SNX9: variants seen among roughly 807,000 people sequenced by gnomAD.
The protein encoded by SNX9 is sorting nexin-9.
Under a neutral mutation model 89.4 loss-of-function variants are expected in SNX9, and 44 were observed. The observed-to-expected ratio is 0.49, with a 90% CI of 0.39 to 0.63. The LOEUF (loss-of-function observed/expected upper bound fraction) is 0.63. Ranked by LOEUF, SNX9 falls within the 30% of genes least tolerant of loss-of-function variation. The pLI is 0.00. For missense variants in SNX9, 578 were observed against 736.1 expected, an observed-to-expected ratio of 0.79 and a Z score of 2.49; for synonymous variants, 236 against 247.8, an observed-to-expected ratio of 0.95 and a Z score of 0.45.
chr6:157,851,718 T>C (rs1781917139), intron 1 of SNX9, among the ~76,000 whole-genome samples: 1 of 152,036 alleles, frequency 6.6e-6, no homozygotes, highest in Non-Finnish European at 1.5e-5. Flanking sequence ...GCCTCCCGAG[T>C]AGCTGGGATT....
chr6:157,868,804 A>G (rs1782325956), intron 2 of SNX9, among the ~76,000 whole-genome samples: 3 of 152,216 alleles, frequency 2.0e-5, no homozygotes, highest in Non-Finnish European at 4.4e-5. Flanking sequence ...GATAGGGAGA[A>G]TTTGTCTTTG....
chr6:157,858,339 C>A (rs746545025), intron 1 of SNX9, among the ~76,000 whole-genome samples: 1 of 151,688 alleles, frequency 6.6e-6, no homozygotes, highest in East Asian at 1.9e-4. Context: ...CTCCACCACC[C>A]GGGTTCAAGT....
rs576376187 is a variant in SNX9, at chr6:157,894,650, A to G, written c.301-2177A>G. Among the ~76,000 whole-genome samples, 9 of 152,262 alleles carry G rather than the reference A, an allele frequency of 5.9e-5. No individual in the cohort carries two copies. The South Asian group carries it at 1.9e-3, about 32-fold the overall frequency. ...AATAATTAAACTATTAAATTACTCA[A>G]AGGAATTATGGGAGAGAAATACTTT... On this transcript the variant is annotated intron_variant, in intron 4 of 17. Transcript: ENST00000392185.
intron 4 of SNX9, among the ~76,000 whole-genome samples, chr6:157,879,170 G>C (rs750913325): frequency 5.3e-5 from 8 of 152,222 alleles, no homozygotes; most frequent in Non-Finnish European, 1.0e-4. Flanking sequence ...TCCTCCTGCA[G>C]ATCTGCTCGC....
intron 1 of SNX9, among the ~76,000 whole-genome samples, chr6:157,829,982 A>C (rs753767726): frequency 3.9e-5 from 6 of 152,238 alleles, no homozygotes; most frequent in Admixed American, 6.5e-5. Context: ...TTAACATTAA[A>C]GTCTGAAATT....
At chr6:157,898,271 T>C (rs1783021290) in intron 5 of SNX9, among the ~76,000 whole-genome samples, 1 of 152,242 alleles carries the variant, frequency 6.6e-6, no homozygotes, top group South Asian at 2.1e-4. Context: ...TAACTTTAGT[T>C]CAGTCTTACT....
At chr6:157,849,611 C>T (rs189109899) in intron 1 of SNX9, among the ~76,000 whole-genome samples, 48 of 152,178 alleles carry the variant, frequency 3.2e-4, no homozygotes, top group Non-Finnish European at 6.0e-4. Flanking sequence ...GTGGAACTCA[C>T]ACATGGGATG....
At chr6:157,939,793 G>A (rs1783997926) in intron 16 of SNX9, among the ~76,000 whole-genome samples, 1 of 152,204 alleles carries the variant, frequency 6.6e-6, no homozygotes, top group Non-Finnish European at 1.5e-5. Flanking sequence ...ACAAAGCTTT[G>A]TATAACTTCA....
intron 2 of SNX9, among the ~76,000 whole-genome samples, chr6:157,869,663 T>C (rs1002181891): frequency 5.9e-5 from 9 of 152,206 alleles, no homozygotes; most frequent in Admixed American, 1.3e-4. Flanking sequence ...AAGCCCAGGG[T>C]CTGTCTAAAC....
chr6:157,912,164 C>A (rs1465710975), intron 9 of SNX9, among the ~76,000 whole-genome samples: 1 of 152,200 alleles, frequency 6.6e-6, no homozygotes, highest in Admixed American at 6.5e-5. Flanking sequence ...ATACAGATTT[C>A]TTTCCATGAA....
chr6:157,931,615 C>A (rs1783811655), intron 12 of SNX9, among the ~76,000 whole-genome samples: 1 of 152,218 alleles, frequency 6.6e-6, no homozygotes, highest in Non-Finnish European at 1.5e-5. Context: ...TCAGACCCCT[C>A]TTCCCTGGTC....
In SNX9 at chr6:157,875,138, G is replaced by A; in HGVS notation, c.262G>A (p.Ala88Thr). 1 of 1,612,234 alleles carries A rather than the reference G, an allele frequency of 6.2e-7. No individual in the cohort carries two copies. Among genetic ancestry groups the A allele is most frequent in the African/African-American group, 1.3e-5 (1 of 75,008 alleles). The change falls in exon 4 of 18, where the codon GCT becomes ACT. Residue 88 changes from alanine (A) to threonine (T), a missense_variant. Coordinates refer to ENST00000392185, the MANE Select transcript of SNX9 (RefSeq NM_016224.5). ...CCTTGATTCTCTCTCAGCCAGCACA[G>A]CTCAGGCCAGTTCGTCGGCTGCCAG... The part of the protein sequence containing the change: ...AFLDSLSAST[A>T]QASSSAASNN...
intron 1 of SNX9, among the ~76,000 whole-genome samples, chr6:157,840,319 C>T (rs960380412): frequency 3.3e-5 from 5 of 152,170 alleles, no homozygotes; most frequent in Non-Finnish European, 5.9e-5. Flanking sequence ...GAGGCCCAGG[C>T]GACCACGGGG....
chr6:157,888,500 G>A (rs1782784120), intron 4 of SNX9, among the ~76,000 whole-genome samples: 1 of 152,156 alleles, frequency 6.6e-6, no homozygotes, highest in Non-Finnish European at 1.5e-5. Flanking sequence ...TGCCATGAAT[G>A]TGCTGGTTTT....
intron 1 of SNX9, among the ~76,000 whole-genome samples, chr6:157,852,723 C>G (rs1479336812): frequency 6.6e-6 from 1 of 152,042 alleles, no homozygotes; most frequent in Non-Finnish European, 1.5e-5. Flanking sequence ...ACTACAGATG[C>G]AGACCACCAT....
intron 4 of SNX9, among the ~76,000 whole-genome samples, chr6:157,883,947 A>G (rs1239621423): frequency 2.6e-5 from 4 of 152,238 alleles, no homozygotes; most frequent in Admixed American, 6.5e-5. Flanking sequence ...ACTTTGTACC[A>G]TAATACTCTG....
chr6:157,934,190 A>G (rs1354047791), intron 13 of SNX9: 2 of 152,208 alleles, frequency 1.3e-5, no homozygotes, highest in Admixed American at 6.5e-5. Flanking sequence ...AAGTTCATGT[A>G]CTAACTTGAA....
chr6:157,867,586 A>G lies in SNX9; in HGVS notation c.52A>G (p.Asn18Asp). ...MYDFAAEPGN[N>D]ELTVNEGEII... ...TGATTTTGCTGCTGAACCTGGAAAT[A>G]ATGAACTGACGGTTAATGAAGGAGA... Residue 18 changes from asparagine to aspartate, a missense_variant, in exon 2 of 18, where the codon AAT becomes GAT. Physicochemically the swap from Asn to Asp is conservative, Grantham distance 23 (BLOSUM62 1). This residue lies in a region of SNX9 where 230 missense variants were observed against 244.7 expected (regional missense o/e 0.94). Coordinates refer to ENST00000392185, the MANE Select transcript of SNX9 (RefSeq NM_016224.5). 2 of 1,613,136 alleles carry G rather than the reference A, an allele frequency of 1.2e-6. No homozygotes were observed. The highest frequency in any genetic ancestry group is 1.7e-6 in the Non-Finnish European group (2 of 1,179,282).
chr6:157,919,784 C>A (rs111653850), intron 9 of SNX9, among the ~76,000 whole-genome samples: 1 of 151,978 alleles, frequency 6.6e-6, no homozygotes, highest in African/African-American at 2.4e-5. Context: ...TATTTCTTTG[C>A]GTATCTCTTA....
Sources: gnomAD v4.1 joint callset for allele counts (sites outside exome capture counted in the v4.1 genomes callset) on GRCh38, gnomAD v4.1.1 for gene constraint, gnomAD v4.1.1 regional missense constraint, MANE v1.5 for transcripts, NCBI Gene and HGNC (gene_info 2026-07-23, HGNC 2026-07-21) for gene names.